DNAH9: variants seen among roughly 807,000 people sequenced by gnomAD.
The protein encoded by DNAH9 is dynein axonemal heavy chain 9, also known as DNAH9 variant protein.
A neutral mutation model predicts 471.6 loss-of-function variants in DNAH9; 345 were observed. That is an observed-to-expected ratio of 0.73 (90% CI 0.67 to 0.80). The LOEUF (loss-of-function observed/expected upper bound fraction) is 0.80. DNAH9 is among the 30% of genes least tolerant of loss of function. The pLI is 0.00. For missense variants in DNAH9, 5,407 were observed against 5,609.2 expected (o/e 0.96, Z 1.15); for synonymous variants, 2,093 against 2,123.6 (o/e 0.99, Z 0.40).
At position 11,895,510 on chromosome 17, in the gene DNAH9, A is replaced by T. The variant is rs56128529; in HGVS notation, c.11406+1014A>T. On this transcript the variant is annotated intron_variant, in intron 59 of 68. Transcript: ENST00000262442. ...ATGGTTTATTTTGAGACAACAATTCATATGCAGTTTTAAGAAATAATACAG... is the reference window on the plus strand; with the variant it reads ...ATGGTTTATTTTGAGACAACAATTCTTATGCAGTTTTAAGAAATAATACAG... 2.3e-3 allele frequency among the ~76,000 whole-genome samples: 357 copies of T among 152,220 alleles called. 2 individuals are homozygous for T. Among genetic ancestry groups the T allele is most frequent in the African/African-American group, 8.0e-3 (332 of 41,508 alleles).
At chr17:11,649,836 G>A (rs2073468516) in intron 12 of DNAH9, among the ~76,000 whole-genome samples, 1 of 152,086 alleles carries the variant, frequency 6.6e-6, no homozygotes, top group Admixed American at 6.6e-5. Flanking sequence ...TTGCCCACTT[G>A]CTAGTGGAAG....
intron 4 of DNAH9, among the ~76,000 whole-genome samples, chr17:11,613,858 A>G (rs2072687617): frequency 6.6e-6 from 1 of 152,208 alleles, no homozygotes; most frequent in South Asian, 2.1e-4. Flanking sequence ...GTAAAAATAT[A>G]TTATGAGTTT....
chr17:11,784,991 T>C (rs1968811899), intron 41 of DNAH9, among the ~76,000 whole-genome samples: 1 of 152,132 alleles, frequency 6.6e-6, no homozygotes, highest in Non-Finnish European at 1.5e-5. Flanking sequence ...ATTGTCATAC[T>C]CCTAAGATGC....
chr17:11,650,690 G>A (rs1309043208), intron 12 of DNAH9, among the ~76,000 whole-genome samples: 2 of 152,220 alleles, frequency 1.3e-5, no homozygotes, highest in Admixed American at 6.5e-5. Context: ...GCCCAGGCCA[G>A]ATGATTCTCC....
At chr17:11,941,694 G>GGATAGATAGATAGATAGATA (rs58634740) in intron 66 of DNAH9, among the ~76,000 whole-genome samples, 1 of 148,220 alleles carries the variant, frequency 6.7e-6, no homozygotes, top group Admixed American at 6.8e-5. Context: ...GTGGATGACC[G>GGATAGATAGATAGATAGATA]GATAGATAGA....
intron 38 of DNAH9, among the ~76,000 whole-genome samples, chr17:11,771,233 A>G (rs1182400468): frequency 6.6e-6 from 1 of 152,096 alleles, no homozygotes; most frequent in Non-Finnish European, 1.5e-5. Context: ...GGTTCAAGCA[A>G]TTCTCTTGTC....
intron 33 of DNAH9, among the ~76,000 whole-genome samples, chr17:11,755,540 G>T (rs547341776): frequency 1.3e-5 from 2 of 152,046 alleles, no homozygotes; most frequent in South Asian, 4.1e-4. Flanking sequence ...CTTTCATGAG[G>T]TACTACTATA....
intron 17 of DNAH9, among the ~76,000 whole-genome samples, chr17:11,677,721 T>C (rs2074070253): frequency 6.6e-6 from 1 of 152,146 alleles, no homozygotes; most frequent in Admixed American, 6.5e-5. Context: ...TCCTTTTTTG[T>C]CTGCTTTGGG....
At chr17:11,631,834 C>T (rs2073074208) in intron 7 of DNAH9, among the ~76,000 whole-genome samples, 1 of 151,252 alleles carries the variant, frequency 6.6e-6, no homozygotes, top group South Asian at 2.1e-4. Flanking sequence ...TTTTTTCACA[C>T]ACACATGCGT....
intron 49 of DNAH9, among the ~76,000 whole-genome samples, chr17:11,843,263 T>G (rs749968724): frequency 4.6e-5 from 7 of 152,102 alleles, no homozygotes; most frequent in Non-Finnish European, 7.4e-5. Context: ...ATGGATGATA[T>G]AAAAAATAAA....
intron 8 of DNAH9, among the ~76,000 whole-genome samples, chr17:11,635,313 C>T (rs1178848751): frequency 6.6e-6 from 1 of 150,402 alleles, no homozygotes; most frequent in Non-Finnish European, 1.5e-5. Flanking sequence ...ATTACAGGCA[C>T]ACGCCACCAT....
Position 11,933,987 on chromosome 17 carries a change from T to C in DNAH9, c.12405T>C (p.Ile4135=), listed in dbSNP as rs771307172. ...GCAGAACCTACCTGGGGGAATTCAT[T>C]CGACCAGAAATGTTAGAAGGAGAAC... ...RLCRTYLGEF[I]RPEMLEGELS... Residue 4135 remains isoleucine (I), a synonymous_variant, in exon 65 of 69, where the codon ATT becomes ATC. Coordinates refer to ENST00000262442, the MANE Select transcript of DNAH9 (RefSeq NM_001372.4). 1 of 1,614,160 alleles carries C rather than the reference T, an allele frequency of 6.2e-7. No homozygotes were observed. Among genetic ancestry groups the C allele is most frequent in the Non-Finnish European group, 8.5e-7 (1 of 1,180,012 alleles).
At chr17:11,933,379 T>C (rs1974583900) in intron 64 of DNAH9, among the ~76,000 whole-genome samples, 3 of 152,046 alleles carry the variant, frequency 2.0e-5, no homozygotes. Flanking sequence ...TCAAGCTTTT[T>C]TTTTTCTTCT....
At position 11,843,841 on chromosome 17, in the gene DNAH9, T is replaced by TTGTGTG. The variant is rs370150805; in HGVS notation, c.9507+8961_9507+8966dup. 1.9e-3 allele frequency among the ~76,000 whole-genome samples: 133 copies of TTGTGTG among 69,836 alleles called. 2 individuals are homozygous for TTGTGTG. Among genetic ancestry groups the TTGTGTG allele is most frequent in the African/African-American group, 5.2e-3 (101 of 19,430 alleles). 45.8% of individuals were successfully genotyped at this position (69,836 alleles called of 152,430 possible). On this transcript the variant is annotated intron_variant, in intron 49 of 68. Transcript: ENST00000262442. ...TTTGTATATATACATGTATATGTGT[T>TTGTGTG]TGTGTGTGTGTGTGTGTGTGTGTAT...
Position 11,680,960 on chromosome 17 carries a change from T to C in DNAH9, c.3743+71T>C, listed in dbSNP as rs2074123727. 7 of 1,380,402 alleles carry C rather than the reference T, an allele frequency of 5.1e-6. No individual in the cohort carries two copies. In the South Asian group the frequency reaches 8.2e-5, roughly 16 times the overall value. 85.5% of individuals were successfully genotyped at this position (1,380,402 alleles called of 1,614,324 possible). ...CTTTGAGTCATGGATAATCTTTTTG[T>C]GGGGCGTGTGTATTCTTCCAGCAGC... On this transcript the variant is annotated intron_variant, in intron 19 of 68. Transcript: ENST00000262442.
chr17:11,714,009 A>G (rs2150793228), intron 26 of DNAH9, among the ~76,000 whole-genome samples: 1 of 152,376 alleles, frequency 6.6e-6, no homozygotes. Flanking sequence ...AAAGATGAGC[A>G]CTGGATGATG....
chr17:11,600,033 T>C (rs2072351497), intron 1 of DNAH9, among the ~76,000 whole-genome samples: 1 of 152,102 alleles, frequency 6.6e-6, no homozygotes, highest in Admixed American at 6.5e-5. Context: ...AGATGGTGTA[T>C]CAGGAGGCTG....
At chr17:11,698,177 T>TAATTAATAATATATTA (rs1365873498) in intron 22 of DNAH9, among the ~76,000 whole-genome samples, 1 of 115,230 alleles carries the variant, frequency 8.7e-6, no homozygotes, top group Non-Finnish European at 1.6e-5. Context: ...TATATTAATA[T>TAATTAATAATATATTA]ATTATTATAT....
chr17:11,688,994 G>C (rs1291627809), intron 19 of DNAH9, among the ~76,000 whole-genome samples: 2 of 152,104 alleles, frequency 1.3e-5, no homozygotes, highest in Non-Finnish European at 2.9e-5. Context: ...TACTTGGGAG[G>C]CTGAGGCAGA....
Sources: allele counts gnomAD v4.1 joint callset (sites outside exome capture counted in the v4.1 genomes callset), GRCh38; gene constraint gnomAD v4.1.1; transcripts MANE v1.5; gene names NCBI Gene and HGNC (gene_info 2026-07-23, HGNC 2026-07-21).